Variants in L3MBTL1 observed in about 807,000 individuals in gnomAD.
L3MBTL1 encodes lethal(3)malignant brain tumor-like protein 1.
L3MBTL1 carries 75 observed loss-of-function variants against 105.3 expected under a neutral mutation model. That is an observed-to-expected ratio of 0.71 (90% confidence interval 0.59 to 0.86). L3MBTL1 has a LOEUF of 0.86. L3MBTL1 is among the 40% of genes least tolerant of loss of function. The pLI is 0.00. For missense variants in L3MBTL1, 1,069 were observed against 1,126.4 expected, an observed-to-expected ratio of 0.95 and a Z score of 0.73; for synonymous variants, 452 against 436.2, an observed-to-expected ratio of 1.04 and a Z score of -0.45.
At chr20:43,527,087 C>T (rs926269433) in intron 7 of L3MBTL1, among the ~76,000 whole-genome samples, 4 of 152,212 alleles carry the variant, frequency 2.6e-5, no homozygotes, top group African/African-American at 9.6e-5. Flanking sequence ...AGAAGCAGAG[C>T]TAGAATCCAG....
Position 43,529,255 on chromosome 20 carries a change from C to A in L3MBTL1, c.952-9C>A. 1 of 1,596,388 alleles carries A rather than the reference C, an allele frequency of 6.3e-7. No individual in the cohort carries two copies. The highest frequency in any genetic ancestry group is 8.6e-7 in the Non-Finnish European group (1 of 1,167,766). Reference sequence around the variant, plus strand: ...GAAGCTGGGTCCTCTCCACTCTGTGCGTTGACAGTCCCAGGCAGTCACTCA... The same window carrying A: ...GAAGCTGGGTCCTCTCCACTCTGTGAGTTGACAGTCCCAGGCAGTCACTCA... On this transcript the variant is annotated splice_polypyrimidine_tract_variant and intron_variant, in intron 8 of 21. Transcript: ENST00000418998.
At chr20:43,546,622 C>T (rs1332343738), downstream of L3MBTL1, among the ~76,000 whole-genome samples, 3 of 152,024 alleles carry the variant, frequency 2.0e-5, no homozygotes, top group Admixed American at 1.3e-4. Context: ...TCAAAAACAG[C>T]GTCCCCCAGC....
In L3MBTL1 at chr20:43,515,382, C is replaced by T; in HGVS notation, c.744C>T (p.Ser248=). 6.4e-7 allele frequency: 1 copy of T among 1,559,852 alleles called. No homozygotes were observed. The highest frequency in any genetic ancestry group is 8.7e-7 in the Non-Finnish European group (1 of 1,150,914). Residue 248 remains serine, a synonymous_variant, in exon 6 of 22, where the codon AGC becomes AGT. Coordinates refer to ENST00000418998, the MANE Select transcript of L3MBTL1 (RefSeq NM_001377303.1). ...MKKRKRREYQ[S]PSEEESEPEA... ...AGAGGAAGCGCAGGGAATACCAGAG[C>T]CCATCAGAGGAGGAGTCGGAGCCAG...
At chr20:43,507,973 C>T (rs1027163939) in intron 1 of L3MBTL1, among the ~76,000 whole-genome samples, 52 of 152,208 alleles carry the variant, frequency 3.4e-4, no homozygotes, top group Middle Eastern at 3.4e-3. Flanking sequence ...CAGGCCCAGC[C>T]GACCCTGCGG....
chr20:43,514,913 T>TGGACCGAGGCGGAGGC lies in L3MBTL1; in HGVS notation c.503-95_503-80dup, dbSNP rs1373246833. The TGGACCGAGGCGGAGGC allele has an allele frequency of 3.3e-5, 49 of 1,500,238 alleles. No homozygotes were observed. The African/African-American group carries it at 5.9e-4, about 18-fold the overall frequency. 92.9% of individuals were successfully genotyped at this position (1,500,238 alleles called of 1,614,324 possible). On this transcript the variant is annotated intron_variant, in intron 4 of 21. Transcript: ENST00000418998. ...TGGAGGAGGCCATCCGATGCGGAGA[T>TGGACCGAGGCGGAGGC]GGACCGAGGCGGAGGCAGGGCCTGA...
chr20:43,522,223 C>T (rs1402200623), intron 7 of L3MBTL1, among the ~76,000 whole-genome samples: 1 of 151,898 alleles, frequency 6.6e-6, no homozygotes, highest in Non-Finnish European at 1.5e-5. Flanking sequence ...GGCGTGGTGG[C>T]GTGCCCCTGT....
intron 9 of L3MBTL1, among the ~76,000 whole-genome samples, 168 bp downstream of exon 9, chr20:43,529,536 A>C (rs2019216397): frequency 6.6e-6 from 1 of 152,166 alleles, no homozygotes; most frequent in Non-Finnish European, 1.5e-5. Flanking sequence ...AACCAGATGG[A>C]GTTCATGGGA....
rs927470679 is a variant in L3MBTL1, at chr20:43,515,364, G to C, written c.726G>C (p.Lys242Asn). ...SELLKPMKKR[K>N]RREYQSPSEE... ...TCCTCAAACCCATGAAGAAGAGGAAGCGCAGGGAATACCAGAGCCCATCAG... is the reference window on the plus strand; with the variant it reads ...TCCTCAAACCCATGAAGAAGAGGAACCGCAGGGAATACCAGAGCCCATCAG... Residue 242 changes from lysine (K) to asparagine (N), a missense_variant, in exon 6 of 22, where the codon AAG (lysine) becomes AAC (asparagine). Transcript: ENST00000418998. The C allele has an allele frequency of 1.9e-6, 3 of 1,565,588 alleles. No homozygotes were observed. Among genetic ancestry groups the C allele is most frequent in the Non-Finnish European group, 2.6e-6 (3 of 1,154,024 alleles).
At chr20:43,511,040 T>C (rs1011510895) in intron 1 of L3MBTL1, among the ~76,000 whole-genome samples, 3 of 151,954 alleles carry the variant, frequency 2.0e-5, no homozygotes, top group African/African-American at 7.3e-5. Flanking sequence ...TGTTTTTTTG[T>C]TTTGGTTTTG....
intron 7 of L3MBTL1, among the ~76,000 whole-genome samples, chr20:43,526,456 T>C (rs951362784): frequency 1.3e-5 from 2 of 152,170 alleles, no homozygotes; most frequent in African/African-American, 4.8e-5. Flanking sequence ...GGAGGGTTTC[T>C]TGAGGGAACA....
At chr20:43,533,226 C>G (rs2019431529) in intron 12 of L3MBTL1, 116 bp from the exon 13 acceptor site, 5 of 894,042 alleles carry the variant, frequency 5.6e-6, no homozygotes, top group Non-Finnish European at 8.6e-6. Context: ...TCCTTGCCAT[C>G]TGTCTCCCTC....
intron 11 of L3MBTL1, 49 bp from the exon 12 acceptor site, chr20:43,532,724 G>A (rs1165638205): frequency 6.2e-7 from 1 of 1,611,102 alleles, no homozygotes; most frequent in African/African-American, 1.3e-5. Flanking sequence ...CTCTGGGCTG[G>A]TCTTAGCCAG....
At chr20:43,535,028 C>A in intron 16 of L3MBTL1, 86 bp downstream of exon 16, 1 of 879,584 alleles carries the variant, frequency 1.1e-6, no homozygotes, top group East Asian at 2.7e-5. Context: ...TCTGACTCCC[C>A]ATGCCCAAAT....
downstream of L3MBTL1, among the ~76,000 whole-genome samples, chr20:43,544,323 G>A (rs1365643313): frequency 6.6e-6 from 1 of 152,140 alleles, no homozygotes; most frequent in Non-Finnish European, 1.5e-5. Context: ...CTCAATTTTA[G>A]GAAATTCCCT....
At chr20:43,535,527 A>G (rs1316838827) in intron 16 of L3MBTL1, among the ~76,000 whole-genome samples, 2 of 152,220 alleles carry the variant, frequency 1.3e-5, no homozygotes, top group Non-Finnish European at 2.9e-5. Flanking sequence ...TGAATCTGCC[A>G]GATGTGGCTT....
intron 11 of L3MBTL1, 35 bp downstream of exon 11, chr20:43,530,924 C>T (rs960713146): frequency 1.3e-6 from 2 of 1,543,230 alleles, no homozygotes; most frequent in Non-Finnish European, 1.8e-6. Flanking sequence ...ATGTCACTCC[C>T]ATGTGCCAGA....
rs577378768 is a variant in L3MBTL1, at chr20:43,516,841, T to C, written c.862+664T>C. On this transcript the variant is annotated intron_variant, in intron 7 of 21. Transcript: ENST00000418998. ...CCGGGTCTTGCTCTGTTGCCCAGGCTGGAGTAAAGTGGTGCAAACACAGCT... is the reference window on the plus strand; with the variant it reads ...CCGGGTCTTGCTCTGTTGCCCAGGCCGGAGTAAAGTGGTGCAAACACAGCT... Among the ~76,000 whole-genome samples the C allele has an allele frequency of 8.5e-5, 13 of 152,288 alleles. 1 individual carries two copies. In the South Asian group the frequency reaches 2.3e-3, roughly 27 times the overall value.
chr20:43,540,280 C>T lies in L3MBTL1; in HGVS notation c.2303C>T (p.Ser768Leu), dbSNP rs986228238. 4 of 1,613,652 alleles carry T rather than the reference C, an allele frequency of 2.5e-6. No homozygotes were observed. The highest frequency in any genetic ancestry group is 1.3e-5 in the African/African-American group (1 of 74,908). The change falls in exon 20 of 22, where the codon TCG becomes TTG. Residue 768 changes from serine to leucine, a missense_variant. By Grantham distance (145) the Ser-to-Leu change is moderately radical. Transcript: ENST00000418998. ...LLPGVAGISASTVAKWTIDEV... is the reference protein window; with the variant it reads ...LLPGVAGISALTVAKWTIDEV... The stretch of plus-strand genomic sequence containing the variant: ...CCAGGAGTAGCGGGCATCTCAGCCT[C>T]GACAGTCGCCAAGTGGACCATCGAT...
rs144951279 is a variant in L3MBTL1, at chr20:43,540,213, C to G, written c.2236C>G (p.Arg746Gly). ...FMSALSAHPD[R>G]SLSVCWEQHC... ...GTCAGCCCTGTCGGCCCACCCTGAC[C>G]GCTCACTCTCAGTGTGCTGGGAGCA... is the stretch of plus-strand genomic sequence containing the variant. Residue 746 changes from arginine (R) to glycine (G), a missense_variant, in exon 20 of 22, where the codon CGC becomes GGC. Physicochemically the swap from Arg to Gly is moderately radical, Grantham distance 125 (BLOSUM62 -2). Coordinates refer to ENST00000418998, the MANE Select transcript of L3MBTL1 (RefSeq NM_001377303.1). The G allele has an allele frequency of 4.3e-6, 7 of 1,613,706 alleles. No homozygotes were observed. Among genetic ancestry groups the G allele is most frequent in the Non-Finnish European group, 5.9e-6 (7 of 1,180,020 alleles).
Sources: allele counts gnomAD v4.1 joint callset (sites outside exome capture counted in the v4.1 genomes callset), GRCh38; gene constraint gnomAD v4.1.1; transcripts MANE v1.5; gene names NCBI Gene and HGNC (gene_info 2026-07-23, HGNC 2026-07-21).